Variants in IL23R observed in about 807,000 individuals in gnomAD.
IL23R encodes interleukin-23 receptor.
In IL23R, 34 loss-of-function variants were observed where a neutral mutation model predicts 56.9. The observed-to-expected ratio is 0.60, with a 90% CI of 0.45 to 0.80. The LOEUF (loss-of-function observed/expected upper bound fraction) is 0.80. Among genes scored for constraint, IL23R ranks in the 30% least tolerant of loss-of-function variants. IL23R has a pLI of 0.00. For missense variants in IL23R, 635 were observed against 730.0 expected (o/e 0.87, Z 1.50); for synonymous variants, 230 against 249.2 (o/e 0.92, Z 0.73).
intron 5 of IL23R, among the ~76,000 whole-genome samples, chr1:67,203,437 G>A (rs1322028419): frequency 6.6e-6 from 1 of 152,070 alleles, no homozygotes; most frequent in Non-Finnish European, 1.5e-5. Context: ...GGAACTAGGA[G>A]TTTGGAGTTG....
chr1:67,208,280 G>A (rs1649223456), intron 6 of IL23R, among the ~76,000 whole-genome samples: 1 of 152,222 alleles, frequency 6.6e-6, no homozygotes, highest in Admixed American at 6.5e-5. Flanking sequence ...TTCTGGGGGG[G>A]AGAAATTCAA....
At chr1:67,231,652 A>G (rs1216392457) in intron 7 of IL23R, among the ~76,000 whole-genome samples, 7 of 152,202 alleles carry the variant, frequency 4.6e-5, no homozygotes, top group Admixed American at 4.6e-4. Flanking sequence ...ACAGTAAAAC[A>G]TGATGAAACA....
At chr1:67,163,724 C>G (rs1467656605), upstream of IL23R, among the ~76,000 whole-genome samples, 2 of 152,096 alleles carry the variant, frequency 1.3e-5, no homozygotes, top group East Asian at 3.9e-4. Flanking sequence ...CCATGTGATG[C>G]ACCTGCTCCT....
chr1:67,151,002 T>C (rs1646724152), intron 1 of IL23R, among the ~76,000 whole-genome samples: 1 of 152,212 alleles, frequency 6.6e-6, no homozygotes, highest in Non-Finnish European at 1.5e-5. Context: ...ATGGTATTTC[T>C]GGCTCTAGAT....
At chr1:67,217,859 T>A (rs537786186) in intron 6 of IL23R, among the ~76,000 whole-genome samples, 10 of 152,058 alleles carry the variant, frequency 6.6e-5, no homozygotes, top group Admixed American at 6.5e-4. Flanking sequence ...AAGGTTGGGT[T>A]TTAAATGGAA....
At chr1:67,228,021 C>T (rs112149646) in intron 7 of IL23R, among the ~76,000 whole-genome samples, 523 of 31,692 alleles carry the variant, frequency 0.017, 58 homozygotes, top group Admixed American at 0.072. Context: ...TTTCTTTCTT[C>T]CTTTCTTTCT....
At chr1:67,203,539 A>G (rs1648785217) in intron 5 of IL23R, among the ~76,000 whole-genome samples, 1 of 150,740 alleles carries the variant, frequency 6.6e-6, no homozygotes, top group Admixed American at 6.6e-5. Flanking sequence ...TTTTGTCTCT[A>G]TTCCTTTCCT....
In IL23R at chr1:67,228,104, T is replaced by C. The variant is rs200333934; in HGVS notation, c.955+8374T>C. ...TTCTTTTCTTTCTTTCTTTCTTTCT[T>C]TCTCTCTCTTTCTTTCTTTCTTTCC... On this transcript the variant is annotated intron_variant, in intron 7 of 10. Coordinates refer to ENST00000347310, the MANE Select transcript of IL23R (RefSeq NM_144701.3). Among the ~76,000 whole-genome samples, 50 of 46,148 alleles carry C rather than the reference T, an allele frequency of 1.1e-3. 5 individuals carry two copies. Among genetic ancestry groups the C allele is most frequent in the South Asian group, 3.7e-3 (7 of 1,908 alleles). The allele number at this position is 46,148 out of a possible 152,430, so 30.3% of individuals were successfully genotyped here.
chr1:67,210,222 G>A (rs1649360271), intron 6 of IL23R, among the ~76,000 whole-genome samples: 1 of 151,598 alleles, frequency 6.6e-6, no homozygotes, highest in Non-Finnish European at 1.5e-5. Flanking sequence ...AGTGTCTTAA[G>A]AAAGGCATAG....
At chr1:67,182,704 A>G (rs1647167442) in intron 3 of IL23R, 132 bp from the exon 4 acceptor site, 1 of 924,888 alleles carries the variant, frequency 1.1e-6, no homozygotes, top group African/African-American at 1.6e-5. Flanking sequence ...GGAAATGAAG[A>G]AATCGTTCGT....
intron 7 of IL23R, among the ~76,000 whole-genome samples, chr1:67,222,926 T>C (rs902663729): frequency 2.0e-5 from 3 of 152,160 alleles, no homozygotes; most frequent in Non-Finnish European, 2.9e-5. Context: ...ACTTAAGTAT[T>C]CTAAGTATAG....
At chr1:67,185,917 C>G (rs1356052762) in intron 4 of IL23R, among the ~76,000 whole-genome samples, 3 of 152,196 alleles carry the variant, frequency 2.0e-5, no homozygotes, top group Admixed American at 6.5e-5. Context: ...CTTCAATTCT[C>G]AACTTAACCT....
chr1:67,264,379 G>A (rs1653287155), downstream of IL23R, among the ~76,000 whole-genome samples: 1 of 152,222 alleles, frequency 6.6e-6, no homozygotes, highest in East Asian at 1.9e-4. Flanking sequence ...ATTATGCTGT[G>A]GTTTATCTCT....
chr1:67,240,494 G>T (rs1651776586), intron 9 of IL23R, among the ~76,000 whole-genome samples: 1 of 152,152 alleles, frequency 6.6e-6, no homozygotes, highest in African/African-American at 2.4e-5. Flanking sequence ...TGCCAGAAAA[G>T]CTTCCTGGCC....
chr1:67,139,278 G>C (rs569943495), intron 1 of IL23R: 12 of 152,304 alleles, frequency 7.9e-5, no homozygotes, highest in Admixed American at 6.5e-4. Flanking sequence ...AAAATGGATA[G>C]ATTAACTATC....
chr1:67,154,822 C>A (rs1646757552), intron 1 of IL23R, among the ~76,000 whole-genome samples: 1 of 152,094 alleles, frequency 6.6e-6, no homozygotes, highest in African/African-American at 2.4e-5. Flanking sequence ...TGAATTTGAT[C>A]CTGTCATCAT....
intron 1 of IL23R, among the ~76,000 whole-genome samples, chr1:67,167,469 A>T (rs1055853958): frequency 2.6e-5 from 4 of 152,202 alleles, no homozygotes; most frequent in African/African-American, 9.7e-5. Flanking sequence ...GGGAGTTCTG[A>T]AATTTTTGGC....
chr1:67,211,976 A>G (rs1266539836), intron 6 of IL23R, among the ~76,000 whole-genome samples: 1 of 152,226 alleles, frequency 6.6e-6, no homozygotes, highest in African/African-American at 2.4e-5. Flanking sequence ...TAGAGTTTGA[A>G]AGAAGTCAAG....
intron 4 of IL23R, among the ~76,000 whole-genome samples, chr1:67,183,841 G>A (rs1164759030): frequency 6.6e-6 from 1 of 152,166 alleles, no homozygotes; most frequent in Non-Finnish European, 1.5e-5. Context: ...GGGTTTTCAG[G>A]ACAAAGGATT....
Sources: allele counts gnomAD v4.1 joint callset (sites outside exome capture counted in the v4.1 genomes callset), GRCh38; gene constraint gnomAD v4.1.1; transcripts MANE v1.5; gene names NCBI Gene and HGNC (gene_info 2026-07-23, HGNC 2026-07-21).